STT3B: variants seen among roughly 807,000 people sequenced by gnomAD.
The protein encoded by STT3B is dolichyl-diphosphooligosaccharide--protein glycosyltransferase subunit STT3B.
A neutral mutation model predicts 96.8 loss-of-function variants in STT3B; 29 were observed. That is an observed-to-expected ratio of 0.30 (90% confidence interval 0.22 to 0.41). The LOEUF (loss-of-function observed/expected upper bound fraction) is 0.41. Among genes scored for constraint, STT3B ranks in the 10% least tolerant of loss-of-function variants. The probability of loss-of-function intolerance (pLI) is 1.00; values close to 1 mark genes in which losing one functional copy is unlikely to be tolerated. For missense variants in STT3B, 640 were observed against 1,022.3 expected (o/e 0.63, Z 5.10); for synonymous variants, 367 against 360.0 (o/e 1.02, Z -0.22).
At chr3:31,550,157 A>T (rs1697516615) in intron 1 of STT3B, among the ~76,000 whole-genome samples, 1 of 152,226 alleles carries the variant, frequency 6.6e-6, no homozygotes, top group Non-Finnish European at 1.5e-5. Flanking sequence ...TGTCACTGCC[A>T]GTTAAGGCAG....
intron 3 of STT3B, among the ~76,000 whole-genome samples, chr3:31,582,211 C>T (rs1457389878): frequency 6.6e-6 from 1 of 151,892 alleles, no homozygotes; most frequent in South Asian, 2.1e-4. Flanking sequence ...GAAGCAAGCA[C>T]TCTATTTTAT....
At chr3:31,534,678 C>G (rs1024031766) in intron 1 of STT3B, among the ~76,000 whole-genome samples, 2 of 152,124 alleles carry the variant, frequency 1.3e-5, no homozygotes, top group Non-Finnish European at 2.9e-5. Flanking sequence ...AAAATTGGTA[C>G]TGCAACATCT....
chr3:31,550,207 G>A (rs1697517492), intron 1 of STT3B, among the ~76,000 whole-genome samples: 1 of 152,174 alleles, frequency 6.6e-6, no homozygotes, highest in Admixed American at 6.5e-5. Flanking sequence ...CCTGTTTTCA[G>A]TTAATGTGTG....
chr3:31,632,412 TA>T (rs1443408015), intron 14 of STT3B, among the ~76,000 whole-genome samples: 1 of 152,198 alleles, frequency 6.6e-6, no homozygotes, highest in Non-Finnish European at 1.5e-5. Context: ...ATGTTAATAA[TA>T]TATGTTATGG....
intron 11 of STT3B, 65 bp downstream of exon 11, chr3:31,623,926 A>G (rs537510796): frequency 3.1e-6 from 4 of 1,302,332 alleles, no homozygotes; most frequent in South Asian, 3.3e-5. Flanking sequence ...GTCTCAAAGG[A>G]TATAATTAAA....
intron 15 of STT3B, among the ~76,000 whole-genome samples, chr3:31,635,478 G>A (rs970983485): frequency 6.6e-6 from 1 of 152,096 alleles, no homozygotes; most frequent in African/African-American, 2.4e-5. Flanking sequence ...CCTACCTAAA[G>A]GATTATTTTT....
chr3:31,557,635 GTTTA>G (rs927112463), intron 1 of STT3B, among the ~76,000 whole-genome samples: 21 of 151,672 alleles, frequency 1.4e-4, no homozygotes, highest in East Asian at 1.4e-3. Context: ...ATTTTTATTT[GTTTA>G]TTTATTTTTT....
intron 5 of STT3B, among the ~76,000 whole-genome samples, chr3:31,613,844 A>T (rs905436771): frequency 2.0e-5 from 3 of 151,940 alleles, no homozygotes; most frequent in African/African-American, 7.2e-5. Flanking sequence ...CCATTCCAAC[A>T]TTAATGTGTT....
At chr3:31,584,232 T>C (rs1698485423) in intron 3 of STT3B, among the ~76,000 whole-genome samples, 1 of 152,232 alleles carries the variant, frequency 6.6e-6, no homozygotes, top group Non-Finnish European at 1.5e-5. Flanking sequence ...ATTATAAATG[T>C]ATGAGTTTAT....
rs1699766572 is a variant in STT3B at position 31,637,116 on chromosome 3, T to TTGTCAAAAAATGC, written c.*1052_*1053insTGTCAAAAAATGC. The stretch of plus-strand genomic sequence containing the variant: ...CATTTTCTTACTTTTGTTAAAAATG[T>TTGTCAAAAAATGC]GACAGTTGTCAAAAAATGCACTAAA... On this transcript the variant is annotated 3_prime_UTR_variant, in exon 16 of 16. Coordinates refer to ENST00000295770, the MANE Select transcript of STT3B (RefSeq NM_178862.3). 1 of 152,172 alleles carries TTGTCAAAAAATGC rather than the reference T, an allele frequency of 6.6e-6. No homozygotes were observed. Among genetic ancestry groups the TTGTCAAAAAATGC allele is most frequent in the East Asian group, 1.9e-4 (1 of 5,196 alleles). 9.4% of individuals were successfully genotyped at this position (152,172 alleles called of 1,614,324 possible). A position where few individuals can be genotyped will look rare whatever the true frequency, so the allele number is the denominator to read the frequency against.
chr3:31,533,356 A>G, intron 1 of STT3B, 44 bp downstream of exon 1: 7 of 1,425,234 alleles, frequency 4.9e-6, no homozygotes, highest in Non-Finnish European at 6.5e-6. Context: ...CCCGCGGGGA[A>G]CCGGGACCCG....
chr3:31,620,761 C>T lies in STT3B; in HGVS notation c.1327+931C>T, dbSNP rs1412914708. ...ACTGAGAAAAACTTTATCACGTGCA[C>T]AGGATCACACCAGTTGGTAAGTAAT... On this transcript the variant is annotated intron_variant, in intron 9 of 15. Coordinates refer to ENST00000295770, the MANE Select transcript of STT3B (RefSeq NM_178862.3). Among the ~76,000 whole-genome samples the T allele has an allele frequency of 2.6e-5, 4 of 152,150 alleles. No homozygotes were observed. The East Asian group carries it at 7.7e-4, about 29-fold the overall frequency.
intron 3 of STT3B, among the ~76,000 whole-genome samples, chr3:31,590,087 GT>G (rs1183889033): frequency 6.6e-6 from 1 of 151,766 alleles, no homozygotes; most frequent in East Asian, 1.9e-4. Flanking sequence ...CTTTTTAAAA[GT>G]TTTTTTATTT....
chr3:31,626,929 T>C (rs1350639797), intron 13 of STT3B, among the ~76,000 whole-genome samples: 2 of 152,178 alleles, frequency 1.3e-5, no homozygotes, highest in Non-Finnish European at 2.9e-5. Flanking sequence ...TTGTCTACTC[T>C]GCCAGTATGT....
chr3:31,623,927 TA>T, intron 11 of STT3B, 66 bp downstream of exon 11: 1 of 1,304,462 alleles, frequency 7.7e-7, no homozygotes, highest in Non-Finnish European at 1.0e-6. Flanking sequence ...TCTCAAAGGA[TA>T]TAATTAAAAA....
intron 1 of STT3B, among the ~76,000 whole-genome samples, chr3:31,541,949 GC>G: frequency 6.6e-6 from 1 of 152,238 alleles, no homozygotes. Context: ...AGCGGGAGGT[GC>G]CTCTAGGAAA....
chr3:31,571,906 C>T (rs1698148215), intron 1 of STT3B, among the ~76,000 whole-genome samples: 1 of 139,026 alleles, frequency 7.2e-6, no homozygotes, highest in African/African-American at 2.6e-5. Context: ...AGGTTAGGTG[C>T]TTCCTTTTTG....
chr3:31,618,188 C>T (rs1033708202), intron 8 of STT3B, among the ~76,000 whole-genome samples, 200 bp downstream of exon 8: 3 of 151,940 alleles, frequency 2.0e-5, no homozygotes, highest in Non-Finnish European at 4.4e-5. Flanking sequence ...ATGAAATGTA[C>T]GTTGTGTATT....
rs775446748 is a variant in STT3B at position 31,615,194 on chromosome 3, G to T, written c.967G>T (p.Ala323Ser). ...GCCAATCAGAACAAGTGAACACATG[G>T]CAGCTGCAGGTATGAAAAATATATA... ...FQPIRTSEHMAAAGVFALLQA... is the reference protein window; with the variant it reads ...FQPIRTSEHMSAAGVFALLQA... The change falls in exon 6 of 16, where the codon GCA becomes TCA. Residue 323 changes from alanine to serine, a missense_variant. This residue lies in a region of STT3B where 267 missense variants were observed against 388.3 expected (regional missense o/e 0.69). Coordinates refer to ENST00000295770, the MANE Select transcript of STT3B (RefSeq NM_178862.3). The T allele has an allele frequency of 3.1e-6, 5 of 1,604,342 alleles. No homozygotes were observed. The highest frequency in any genetic ancestry group is 4.3e-6 in the Non-Finnish European group (5 of 1,173,160).
Sources: allele counts gnomAD v4.1 joint callset (sites outside exome capture counted in the v4.1 genomes callset), GRCh38; gene constraint gnomAD v4.1.1; regional missense constraint gnomAD v4.1.1; transcripts MANE v1.5; gene names NCBI Gene and HGNC (gene_info 2026-07-23, HGNC 2026-07-21).